MCM9: variants seen among roughly 807,000 people sequenced by gnomAD.
MCM9 encodes DNA helicase MCM9.
MCM9 carries 55 observed loss-of-function variants against 72.8 expected under a neutral mutation model. That is an observed-to-expected ratio of 0.76 (90% CI 0.61 to 0.95). MCM9 has a LOEUF of 0.95. MCM9 is among the 40% of genes least tolerant of loss of function. The probability of loss-of-function intolerance (pLI) is 0.00; values close to 1 mark genes in which losing one functional copy is unlikely to be tolerated. For missense variants in MCM9, 1,279 were observed against 1,377.0 expected, an observed-to-expected ratio of 0.93 and a Z score of 1.13; for synonymous variants, 480 against 503.4, an observed-to-expected ratio of 0.95 and a Z score of 0.62.
chr6:118,815,617 G>T lies in MCM9; in HGVS notation c.2639C>A (p.Pro880His), dbSNP rs1773364215. 1 of 1,550,524 alleles carries T rather than the reference G, an allele frequency of 6.4e-7. No homozygotes were observed. Among genetic ancestry groups the T allele is most frequent in the African/African-American group, 1.4e-5 (1 of 73,166 alleles). ...CAGCATTCTGTCTGGGCTATGTACA[G>T]GAGTGGACTGAGGATGGGAAGGGAC... The part of the protein sequence containing the change: ...CTVPSHPQST[P>H]VHSPDRMLDS... The change falls in exon 14 of 14, where the codon CCT (proline) becomes CAT (histidine). Residue 880 changes from proline (P) to histidine (H), a missense_variant. Coordinates refer to ENST00000619706, the MANE Select transcript of MCM9 (RefSeq NM_017696.3).
chr6:118,918,786 TATG>T (rs1490478671), intron 5 of MCM9: 1 of 152,234 alleles, frequency 6.6e-6, no homozygotes, highest in Admixed American at 6.5e-5. Flanking sequence ...GTGCCAATTA[TATG>T]ATATGTGCTG....
chr6:118,838,664 G>A lies in MCM9; in HGVS notation c.1326-9414C>T, dbSNP rs36182365. Among the ~76,000 whole-genome samples, 494 of 152,152 alleles carry A rather than the reference G, an allele frequency of 3.2e-3. 1 individual carries two copies. The highest frequency in any genetic ancestry group is 4.7e-3 in the Non-Finnish European group (318 of 67,952). The stretch of plus-strand genomic sequence containing the variant: ...TCTTGATCTCCTGACCTCGTGATCC[G>A]CCCGCCGCAGCCTCCCAAAGTGCTG... On this transcript the variant is annotated intron_variant, in intron 9 of 13. Transcript: ENST00000619706.
intron 3 of MCM9, among the ~76,000 whole-genome samples, chr6:118,929,249 G>A (rs908088058): frequency 2.0e-5 from 3 of 152,098 alleles, no homozygotes; most frequent in Non-Finnish European, 2.9e-5. Context: ...CTTGAGTGAG[G>A]CATGCATCAC....
Position 118,931,788 on chromosome 6 carries a change from C to T in MCM9, c.-15-50G>A. The T allele has an allele frequency of 2.2e-6, 3 of 1,385,196 alleles. No homozygotes were observed. In the South Asian group the frequency reaches 4.4e-5, roughly 21 times the overall value. The allele number at this position is 1,385,196 out of a possible 1,614,324, so 85.8% of individuals were successfully genotyped here. A position where few individuals can be genotyped will look rare whatever the true frequency, so the allele number is the denominator to read the frequency against. On this transcript the variant is annotated intron_variant, in intron 2 of 13. Coordinates refer to ENST00000619706, the MANE Select transcript of MCM9 (RefSeq NM_017696.3). ...TTATATATTTGATACTCAAGATGTA[C>T]ACACAATTTAACAAAAACGATTGGT...
chr6:118,849,446 T>A lies in MCM9; in HGVS notation c.1325+6925A>T, dbSNP rs556479976. 6.6e-3 allele frequency among the ~76,000 whole-genome samples: 997 copies of A among 151,756 alleles called. 20 individuals carry two copies. The highest frequency in any genetic ancestry group is 0.023 in the African/African-American group (928 of 41,066). ...AAGGTACAGTTTGTGTGTGTGTGTG[T>A]GTGTGTGTATAATATATATACATTA... On this transcript the variant is annotated intron_variant, in intron 9 of 13. Transcript: ENST00000619706.
At chr6:118,900,439 A>G (rs1779731561) in intron 8 of MCM9, among the ~76,000 whole-genome samples, 1 of 152,246 alleles carries the variant, frequency 6.6e-6, no homozygotes. Flanking sequence ...TTACTGAAGG[A>G]TATCTCAGAA....
chr6:118,821,369 TC>T (rs1461453636), intron 13 of MCM9, among the ~76,000 whole-genome samples: 1 of 152,218 alleles, frequency 6.6e-6, no homozygotes, highest in East Asian at 1.9e-4. Flanking sequence ...ATTTTATTTC[TC>T]CTTCACTTAT....
intron 8 of MCM9, chr6:118,911,032 C>T (rs1337281896): frequency 2.0e-6 from 2 of 984,188 alleles, no homozygotes; most frequent in Non-Finnish European, 2.4e-6. Flanking sequence ...TACAAAATAG[C>T]ATCAAACATA....
chr6:118,823,339 G>T (rs1232052293), intron 13 of MCM9, among the ~76,000 whole-genome samples: 1 of 152,146 alleles, frequency 6.6e-6, no homozygotes, highest in Non-Finnish European at 1.5e-5. Flanking sequence ...TCCTTGGCTG[G>T]GGGAGGGAAG....
chr6:118,916,361 C>A (rs570012739), intron 6 of MCM9, among the ~76,000 whole-genome samples: 78 of 147,896 alleles, frequency 5.3e-4, no homozygotes, highest in Non-Finnish European at 1.1e-3. Flanking sequence ...CATTTACACA[C>A]ACACACAAAA....
intron 8 of MCM9, chr6:118,908,713 G>T (rs367714626): frequency 2.6e-5 from 4 of 152,360 alleles, no homozygotes; most frequent in Non-Finnish European, 5.9e-5. Context: ...GGGGTAAAAG[G>T]TTTCTTTTTC....
intron 8 of MCM9, among the ~76,000 whole-genome samples, chr6:118,874,351 G>A (rs1777805802): frequency 6.6e-6 from 1 of 152,090 alleles, no homozygotes; most frequent in Non-Finnish European, 1.5e-5. Context: ...TGCAGAAAAA[G>A]CATCTGACAA....
intron 13 of MCM9, among the ~76,000 whole-genome samples, chr6:118,820,036 C>T (rs1168288744): frequency 2.6e-5 from 4 of 151,908 alleles, no homozygotes; most frequent in Non-Finnish European, 4.4e-5. Context: ...GTATGGCTAG[C>T]GGTCTATCTA....
At chr6:118,818,576 T>A (rs1251570543) in intron 13 of MCM9, among the ~76,000 whole-genome samples, 2 of 152,228 alleles carry the variant, frequency 1.3e-5, no homozygotes, top group African/African-American at 4.8e-5. Flanking sequence ...CCTCCAGCTT[T>A]GTTCTTTTTG....
At position 118,836,492 on chromosome 6, in the gene MCM9, G is replaced by A. The variant is rs1774969435; in HGVS notation, c.1326-7242C>T. Among the ~76,000 whole-genome samples, 5 of 152,160 alleles carry A rather than the reference G, an allele frequency of 3.3e-5. No individual in the cohort carries two copies. In the South Asian group the frequency reaches 1.0e-3, roughly 32 times the overall value. Reference sequence around the variant, plus strand: ...CCTGGTACTGGGCTTTTTTGGGTTGGTAGGCTATTAATTACTGCCTCAATT... The same window carrying A: ...CCTGGTACTGGGCTTTTTTGGGTTGATAGGCTATTAATTACTGCCTCAATT... On this transcript the variant is annotated intron_variant, in intron 9 of 13. Coordinates refer to ENST00000619706, the MANE Select transcript of MCM9 (RefSeq NM_017696.3).
At chr6:118,843,664 A>ACGTG (rs1411910671) in intron 9 of MCM9, among the ~76,000 whole-genome samples, 1 of 64,668 alleles carries the variant, frequency 1.5e-5, no homozygotes, top group Non-Finnish European at 3.0e-5. Flanking sequence ...ATGTGTATAT[A>ACGTG]TATATGTATG....
intron 8 of MCM9, among the ~76,000 whole-genome samples, chr6:118,871,558 A>T (rs892351792): frequency 4.6e-5 from 7 of 152,220 alleles, no homozygotes; most frequent in Admixed American, 3.3e-4. Flanking sequence ...TTCCTCTAAG[A>T]TCACAAACAA....
chr6:118,869,881 GA>G (rs1031246518), intron 8 of MCM9, among the ~76,000 whole-genome samples: 22 of 151,996 alleles, frequency 1.4e-4, no homozygotes, highest in African/African-American at 5.3e-4. Flanking sequence ...AGACTTTAAG[GA>G]AAAAAACTGC....
intron 5 of MCM9, chr6:118,920,679 CCTG>C (rs897793566): frequency 9.2e-5 from 14 of 152,332 alleles, no homozygotes; most frequent in African/African-American, 3.4e-4. Context: ...CACTCTTGCT[CCTG>C]CTTTTACCAT....
Sources: allele counts gnomAD v4.1 joint callset (sites outside exome capture counted in the v4.1 genomes callset), GRCh38; gene constraint gnomAD v4.1.1; transcripts MANE v1.5; gene names NCBI Gene and HGNC (gene_info 2026-07-23, HGNC 2026-07-21).